The following MOB1B variants were observed in gnomAD, a reference collection of about 807,000 sequenced individuals.
MOB1B encodes the protein MOB kinase activator 1B.
In MOB1B, 19 loss-of-function variants were observed where a neutral mutation model predicts 24.4. The observed-to-expected ratio is 0.78, with a 90% CI of 0.54 to 1.14. The LOEUF (loss-of-function observed/expected upper bound fraction) is 1.14, where lower values mean the gene tolerates loss of function less well. Ranked by LOEUF, MOB1B falls within the 50% of genes most tolerant of loss-of-function variation. The pLI is 0.00. For synonymous variants in MOB1B, 76 were observed against 82.1 expected, an observed-to-expected ratio of 0.93 and a Z score of 0.40; for missense variants, 243 against 259.6, an observed-to-expected ratio of 0.94 and a Z score of 0.44.
intron 1 of MOB1B, among the ~76,000 whole-genome samples, chr4:70,928,376 C>T (rs1024095910): frequency 6.7e-6 from 1 of 148,224 alleles, no homozygotes; most frequent in African/African-American, 2.5e-5. Context: ...GCCCACTGCA[C>T]CCTCTGCCTC....
intron 1 of MOB1B, among the ~76,000 whole-genome samples, chr4:70,933,437 A>G (rs1445031211): frequency 6.6e-6 from 1 of 152,042 alleles, no homozygotes; most frequent in African/African-American, 2.4e-5. Context: ...AACTAGTTTT[A>G]ATTAGGCTTT....
chr4:70,973,623 A>G (rs892396888), intron 3 of MOB1B, among the ~76,000 whole-genome samples: 1 of 152,206 alleles, frequency 6.6e-6, no homozygotes, highest in Non-Finnish European at 1.5e-5. Flanking sequence ...TGTGAAAGTG[A>G]TTTTGACTGT....
At chr4:70,912,136 A>G (rs1312204505) in intron 1 of MOB1B, among the ~76,000 whole-genome samples, 2 of 152,024 alleles carry the variant, frequency 1.3e-5, no homozygotes, top group Non-Finnish European at 1.5e-5. Flanking sequence ...GTCTCAAGTG[A>G]TCTACCTACC....
intron 1 of MOB1B, among the ~76,000 whole-genome samples, chr4:70,916,783 C>G (rs28838033): frequency 0.042 from 6,389 of 152,136 alleles, 441 homozygotes; most frequent in African/African-American, 0.14. Flanking sequence ...TGGCTAGCCT[C>G]GTCTCGAACT....
chr4:70,918,875 G>A (rs1736305021), intron 1 of MOB1B, among the ~76,000 whole-genome samples: 1 of 151,888 alleles, frequency 6.6e-6, no homozygotes, highest in Admixed American at 6.5e-5. Flanking sequence ...TGTTTATTGC[G>A]GCACTATTCA....
chr4:70,933,036 ACTC>A (rs1736941395), intron 1 of MOB1B, among the ~76,000 whole-genome samples: 1 of 152,000 alleles, frequency 6.6e-6, no homozygotes, highest in African/African-American at 2.4e-5. Flanking sequence ...GGTTCAACTG[ACTC>A]CCAATTCCAC....
rs989949231 is a variant in MOB1B at position 70,986,898 on chromosome 4, T to C, written c.*4841T>C. On this transcript the variant is annotated 3_prime_UTR_variant, in exon 6 of 6. Transcript: ENST00000309395. ...ATTTTGAAGGTATAAAACTGCACTG[T>C]ATGTCTGTCACTTGTAGCTGAACTG... The C allele has an allele frequency of 6.6e-6, 1 of 152,176 alleles. No individual in the cohort carries two copies. Among genetic ancestry groups the C allele is most frequent in the South Asian group, 2.1e-4 (1 of 4,830 alleles). The allele number at this position is 152,176 out of a possible 1,614,324, so 9.4% of individuals were successfully genotyped here. A position where few individuals can be genotyped will look rare whatever the true frequency, so the allele number is the denominator to read the frequency against.
chr4:70,923,907 A>G (rs904278848), intron 1 of MOB1B, among the ~76,000 whole-genome samples: 8 of 144,032 alleles, frequency 5.6e-5, no homozygotes, highest in Non-Finnish European at 7.4e-5. Flanking sequence ...AGATCGCACC[A>G]CTGCACTCCA....
At chr4:70,974,764 A>C (rs1738907790) in intron 3 of MOB1B, among the ~76,000 whole-genome samples, 1 of 152,234 alleles carries the variant, frequency 6.6e-6, no homozygotes, top group Non-Finnish European at 1.5e-5. Flanking sequence ...GTTAAAAAGA[A>C]TTGTACTGTG....
intron 1 of MOB1B, among the ~76,000 whole-genome samples, chr4:70,958,219 C>T (rs1381136678): frequency 2.0e-5 from 3 of 150,900 alleles, no homozygotes; most frequent in Non-Finnish European, 2.9e-5. Flanking sequence ...GGCTAGAGTG[C>T]AGTGGCACAA....
At chr4:70,904,646 C>CT (rs1177701092) in intron 1 of MOB1B, among the ~76,000 whole-genome samples, 5 of 151,372 alleles carry the variant, frequency 3.3e-5, no homozygotes, top group Non-Finnish European at 5.9e-5. Flanking sequence ...GTAGTCCCAG[C>CT]TACTTGGGAG....
chr4:70,951,118 A>C (rs1737784830), intron 1 of MOB1B, among the ~76,000 whole-genome samples: 1 of 152,174 alleles, frequency 6.6e-6, no homozygotes, highest in South Asian at 2.1e-4. Flanking sequence ...CATATTCTTC[A>C]GTGTCAATAT....
chr4:70,969,096 A>G (rs530583800), intron 2 of MOB1B, among the ~76,000 whole-genome samples: 13 of 152,166 alleles, frequency 8.5e-5, no homozygotes, highest in Non-Finnish European at 1.6e-4. Flanking sequence ...GTGTACTAAA[A>G]TCATACTGTT....
chr4:70,960,416 A>G (rs1738255851), intron 2 of MOB1B, among the ~76,000 whole-genome samples: 1 of 152,218 alleles, frequency 6.6e-6, no homozygotes, highest in Non-Finnish European at 1.5e-5. Flanking sequence ...GAATTTAGTA[A>G]AAATAAAATG....
intron 1 of MOB1B, among the ~76,000 whole-genome samples, chr4:70,951,990 A>G (rs903325580): frequency 5.9e-5 from 9 of 152,202 alleles, no homozygotes; most frequent in Admixed American, 3.3e-4. Flanking sequence ...GGCTGCTCCC[A>G]TATGTTGTTA....
intron 1 of MOB1B, among the ~76,000 whole-genome samples, chr4:70,957,432 CTCT>C (rs1034630615): frequency 2.0e-5 from 3 of 150,026 alleles, no homozygotes; most frequent in Admixed American, 6.6e-5. Flanking sequence ...CGCTCTCTCT[CTCT>C]TTTTTTTTTT....
intron 1 of MOB1B, among the ~76,000 whole-genome samples, chr4:70,920,206 C>CTCCTCT (rs991258023): frequency 1.3e-5 from 2 of 151,800 alleles, no homozygotes; most frequent in African/African-American, 4.8e-5. Context: ...TTGATTTAAG[C>CTCCTCT]TCCTCTTCCT....
At chr4:70,928,557 G>A (rs1253695102) in intron 1 of MOB1B, among the ~76,000 whole-genome samples, 1 of 152,000 alleles carries the variant, frequency 6.6e-6, no homozygotes, top group East Asian at 1.9e-4. Context: ...GCCTCCCAAA[G>A]TGCTGGAATT....
At chr4:70,910,274 C>T (rs984465244) in intron 1 of MOB1B, among the ~76,000 whole-genome samples, 2 of 152,046 alleles carry the variant, frequency 1.3e-5, no homozygotes, top group African/African-American at 4.8e-5. Context: ...CTCCTGGCCT[C>T]AAGCAATCTG....
Sources: allele counts gnomAD v4.1 joint callset (sites outside exome capture counted in the v4.1 genomes callset), GRCh38; gene constraint gnomAD v4.1.1; transcripts MANE v1.5; gene names NCBI Gene and HGNC (gene_info 2026-07-23, HGNC 2026-07-21).